The following POU2F2 variants were observed in gnomAD, a reference collection of about 807,000 sequenced individuals.
The protein encoded by POU2F2 is POU domain, class 2, transcription factor 2.
POU2F2 carries 14 observed loss-of-function variants against 63.5 expected under a neutral mutation model. The ratio of observed to expected loss-of-function variants is 0.22; its 90% CI spans 0.15 to 0.34. The LOEUF is 0.34. POU2F2 is among the 10% of genes least tolerant of loss of function. The probability of loss-of-function intolerance (pLI) is 1.00; values close to 1 mark genes in which losing one functional copy is unlikely to be tolerated. For synonymous variants in POU2F2, 306 were observed against 348.6 expected (o/e 0.88, Z 1.36); for missense variants, 607 against 815.2 (o/e 0.74, Z 3.11).
At chr19:42,111,837 G>A (rs892199286) in intron 5 of POU2F2, among the ~76,000 whole-genome samples, 4 of 152,024 alleles carry the variant, frequency 2.6e-5, no homozygotes, top group African/African-American at 9.7e-5. Flanking sequence ...CCCTGCAGTC[G>A]ATTAGTACAG....
intron 1 of POU2F2, among the ~76,000 whole-genome samples, chr19:42,126,218 G>A (rs1394494476): frequency 6.6e-6 from 1 of 152,142 alleles, no homozygotes; most frequent in Non-Finnish European, 1.5e-5. Context: ...GCCGAGGTGG[G>A]CAGATCACCA....
chr19:42,147,043 C>A, intron 2 of POU2F2, among the ~76,000 whole-genome samples: 1 of 152,204 alleles, frequency 6.6e-6, no homozygotes, highest in East Asian at 1.9e-4. Flanking sequence ...CTCGTCTCCC[C>A]TTGGCCCCCA....
chr19:42,124,307 AAAAAAAAAAAAG>A (rs1331617165), intron 1 of POU2F2, among the ~76,000 whole-genome samples: 3 of 151,420 alleles, frequency 2.0e-5, no homozygotes, highest in Admixed American at 1.3e-4. Context: ...CTGTCTCAAA[AAAAAAAAAAAAG>A]AAAAAAAAAA....
chr19:42,124,557 C>G (rs2033012523), intron 1 of POU2F2, among the ~76,000 whole-genome samples: 1 of 152,192 alleles, frequency 6.6e-6, no homozygotes, highest in Non-Finnish European at 1.5e-5. Context: ...TGCAGCACGT[C>G]CACTCCTGGG....
upstream of POU2F2, among the ~76,000 whole-genome samples, chr19:42,176,348 TTTTC>T (rs2034879778): frequency 1.3e-5 from 2 of 152,190 alleles, no homozygotes; most frequent in African/African-American, 4.8e-5. Context: ...TCTCTTTTTC[TTTTC>T]TTTATTTTTT....
chr19:42,159,359 G>A (rs146598757), intron 2 of POU2F2, among the ~76,000 whole-genome samples: 162 of 152,082 alleles, frequency 1.1e-3, no homozygotes, highest in African/African-American at 3.7e-3. Flanking sequence ...GCAAACCCTG[G>A]GCTACAGCTT....
chr19:42,135,855 T>C (rs1034702905), upstream of POU2F2, among the ~76,000 whole-genome samples: 1 of 151,690 alleles, frequency 6.6e-6, no homozygotes, highest in African/African-American at 2.4e-5. Flanking sequence ...GGATTACAGG[T>C]GCACACCACC....
Position 42,091,208 on chromosome 19 carries a change from G to A in POU2F2, c.*49C>T. The A allele has an allele frequency of 6.8e-7, 1 of 1,474,210 alleles. No homozygotes were observed. Among genetic ancestry groups the A allele is most frequent in the Non-Finnish European group, 9.0e-7 (1 of 1,111,210 alleles). The allele number at this position is 1,474,210 out of a possible 1,614,324, so 91.3% of individuals were successfully genotyped here. On this transcript the variant is annotated 3_prime_UTR_variant, in exon 15 of 15. Transcript: ENST00000692977. Reference sequence around the variant, plus strand: ...GCCTCCTCGCCCTCTTCCCAGGCAAGGGACCAAGGCAGGGACCAGAGGAAT... The same window carrying A: ...GCCTCCTCGCCCTCTTCCCAGGCAAAGGACCAAGGCAGGGACCAGAGGAAT...
chr19:42,196,983 T>C (rs2035156892), upstream of POU2F2, among the ~76,000 whole-genome samples: 1 of 152,128 alleles, frequency 6.6e-6, no homozygotes, highest in South Asian at 2.1e-4. Context: ...CTGAAATGTG[T>C]CCAGCCTTGA....
Position 42,089,883 on chromosome 19 carries a change from G to C in POU2F2, c.*1374C>G, listed in dbSNP as rs2076660503. The C allele has an allele frequency of 6.6e-6, 1 of 152,122 alleles. No homozygotes were observed. Among genetic ancestry groups the C allele is most frequent in the South Asian group, 2.1e-4 (1 of 4,826 alleles). The allele number at this position is 152,122 out of a possible 1,614,324, so 9.4% of individuals were successfully genotyped here. A position where few individuals can be genotyped will look rare whatever the true frequency, so the allele number is the denominator to read the frequency against. On this transcript the variant is annotated 3_prime_UTR_variant, in exon 15 of 15. Transcript: ENST00000692977. ...GGTGTCTCTCCTCTGTCCGTCGTCA[G>C]TGGAGACGTGTCCGGGGCTGGTCAA...
chr19:42,105,360 T>C (rs546971117), intron 5 of POU2F2, among the ~76,000 whole-genome samples: 45 of 152,282 alleles, frequency 3.0e-4, no homozygotes, highest in African/African-American at 1.1e-3. Flanking sequence ...CCCTAACTCA[T>C]ATCGGAACCT....
In POU2F2 at chr19:42,095,985, G is replaced by A. The variant is rs1254512512; in HGVS notation, c.730-56C>T. 4 of 1,602,906 alleles carry A rather than the reference G, an allele frequency of 2.5e-6. No individual in the cohort carries two copies. Among genetic ancestry groups the A allele is most frequent in the Middle Eastern group, 1.8e-4 (1 of 5,444 alleles). On this transcript the variant is annotated intron_variant, in intron 8 of 14. Coordinates refer to ENST00000692977, the MANE Select transcript of POU2F2 (RefSeq NM_001394376.1). This position sits in a 1 kb window ranked among gnomAD's most constrained non-coding sequence, Gnocchi z 7.1. ...GTCAGGGTGGGGCCTTCCGGCACTG[G>A]GCCCGCTCCGCCCGCCCACTGGCCA...
chr19:42,158,730 T>C (rs1001773680), intron 2 of POU2F2, among the ~76,000 whole-genome samples: 10 of 152,202 alleles, frequency 6.6e-5, no homozygotes, highest in African/African-American at 2.4e-4. Flanking sequence ...TGAAGACAAA[T>C]AATTGAAATC....
At chr19:42,182,771 T>C (rs1459121786) in intron 1 of POU2F2, among the ~76,000 whole-genome samples, 1 of 151,866 alleles carries the variant, frequency 6.6e-6, no homozygotes, top group Non-Finnish European at 1.5e-5. Context: ...GACTGAGATG[T>C]GGAGTCATCT....
intron 2 of POU2F2, chr19:42,157,310 C>T (rs2034475648): frequency 6.6e-6 from 1 of 152,240 alleles, no homozygotes; most frequent in Admixed American, 6.5e-5. Flanking sequence ...CCCCCTAGGC[C>T]AGCCAGCCTA....
upstream of POU2F2, among the ~76,000 whole-genome samples, chr19:42,180,901 T>C (rs1707858708): frequency 6.6e-6 from 1 of 151,878 alleles, no homozygotes; most frequent in South Asian, 2.1e-4. Flanking sequence ...TCTATTTTTT[T>C]TTTTTTTAAG....
At position 42,099,680 on chromosome 19, in the gene POU2F2, A is replaced by C. The variant is rs1358937886; in HGVS notation, c.475+36T>G. On this transcript the variant is annotated intron_variant, in intron 6 of 14. Coordinates refer to ENST00000692977, the MANE Select transcript of POU2F2 (RefSeq NM_001394376.1). The stretch of plus-strand genomic sequence containing the variant: ...AGGGGAAGGTGAGGAAGTTCTGTGG[A>C]GGCGTCAGGGAGGCCATCTGGGGTG... 3 of 1,602,060 alleles carry C rather than the reference A, an allele frequency of 1.9e-6. No homozygotes were observed. In the African/African-American group the frequency reaches 4.0e-5, roughly 21 times the overall value.
chr19:42,098,921 T>A (rs75543135), intron 7 of POU2F2, among the ~76,000 whole-genome samples: 14,218 of 152,266 alleles, frequency 0.093, 897 homozygotes, highest in Middle Eastern at 0.2. Flanking sequence ...GGGCCTCTGC[T>A]CCTGCCAGTG....
In POU2F2 at chr19:42,103,358, G is replaced by A. The variant is rs2077213241; in HGVS notation, c.370-3537C>T. 2.6e-5 allele frequency among the ~76,000 whole-genome samples: 4 copies of A among 152,304 alleles called. No homozygotes were observed. In the South Asian group the frequency reaches 8.3e-4, roughly 32 times the overall value. On this transcript the variant is annotated intron_variant, in intron 5 of 14. Transcript: ENST00000692977. The stretch of plus-strand genomic sequence containing the variant: ...TTTCAGTCACTGCTGTATCCTCAGT[G>A]CCTAGAACAGCACCTGGCACCCAGT...
Sources: gnomAD v4.1 joint callset for allele counts (sites outside exome capture counted in the v4.1 genomes callset) on GRCh38, gnomAD v4.1.1 for gene constraint, Gnocchi (gnomAD v3.1) non-coding constraint, MANE v1.5 for transcripts, NCBI Gene and HGNC (gene_info 2026-07-23, HGNC 2026-07-21) for gene names.